Variants in CSGALNACT1 observed in about 807,000 individuals in gnomAD.
CSGALNACT1 encodes the protein chondroitin sulfate N-acetylgalactosaminyltransferase 1, also known as beta4GalNAcT-1.
CSGALNACT1 carries 52 observed loss-of-function variants against 51.0 expected under a neutral mutation model. The ratio of observed to expected loss-of-function variants is 1.02; its 90% CI spans 0.82 to 1.29. CSGALNACT1 has a LOEUF of 1.29. Among genes scored for constraint, CSGALNACT1 ranks in the 50% most tolerant of loss-of-function variants. CSGALNACT1 has a pLI of 0.00. For synonymous variants in CSGALNACT1, 341 were observed against 254.4 expected (o/e 1.34, Z -3.24); for missense variants, 935 against 679.2 (o/e 1.38, Z -4.19).
intron 3 of CSGALNACT1, among the ~76,000 whole-genome samples, chr8:19,588,718 G>T (rs537108016): frequency 1.2e-4 from 19 of 152,238 alleles, no homozygotes; most frequent in Admixed American, 5.9e-4. Flanking sequence ...TTTTTGCAAG[G>T]TTGGCACTGA....
intron 3 of CSGALNACT1, among the ~76,000 whole-genome samples, chr8:19,531,630 C>T (rs1277022389): frequency 6.6e-6 from 1 of 152,226 alleles, no homozygotes; most frequent in African/African-American, 2.4e-5. Flanking sequence ...CATAGAATCT[C>T]ATGACTTCAA....
At chr8:19,404,424 G>A (rs1249193584) in exon 10 of CSGALNACT1, 1 of 453,164 alleles carries the variant, frequency 2.2e-6, no homozygotes. Context: ...TATGTTAACT[G>A]TATTTATTTT....
chr8:19,458,387 A>G, intron 5 of CSGALNACT1, 39 bp downstream of exon 4: 2 of 1,486,498 alleles, frequency 1.3e-6, no homozygotes, highest in African/African-American at 1.4e-5. Flanking sequence ...TCTAACACAC[A>G]TCATGCGGAG....
intron 3 of CSGALNACT1, among the ~76,000 whole-genome samples, chr8:19,569,067 G>C (rs925938610): frequency 7.9e-5 from 12 of 152,156 alleles, no homozygotes; most frequent in African/African-American, 2.2e-4. Context: ...AAGATATGGG[G>C]CAATCAATTC....
chr8:19,565,757 A>G (rs2041787556), intron 3 of CSGALNACT1, among the ~76,000 whole-genome samples: 2 of 152,192 alleles, frequency 1.3e-5, no homozygotes, highest in Admixed American at 1.3e-4. Flanking sequence ...TGTCTCTACT[A>G]AAAATGCAAA....
intron 1 of CSGALNACT1, among the ~76,000 whole-genome samples, chr8:19,666,114 C>T (rs1180297270): frequency 6.6e-6 from 1 of 152,118 alleles, no homozygotes; most frequent in African/African-American, 2.4e-5. Flanking sequence ...AGATTTTTCC[C>T]TTTGTTCCTG....
chr8:19,628,881 A>G (rs745643741), intron 1 of CSGALNACT1, among the ~76,000 whole-genome samples: 2 of 152,172 alleles, frequency 1.3e-5, no homozygotes, highest in African/African-American at 4.8e-5. Context: ...AAAAGAACAC[A>G]AAAAGACAAA....
intron 3 of CSGALNACT1, among the ~76,000 whole-genome samples, chr8:19,586,405 T>C (rs1428061616): frequency 3.1e-4 from 39 of 126,908 alleles, no homozygotes; most frequent in Admixed American, 2.4e-3. Flanking sequence ...CGTAGTCTTA[T>C]AGAAAAAAAA....
intron 1 of CSGALNACT1, among the ~76,000 whole-genome samples, chr8:19,634,892 C>G (rs565636190): frequency 6.6e-6 from 1 of 152,262 alleles, no homozygotes; most frequent in African/African-American, 2.4e-5. Flanking sequence ...AGACAGCTGT[C>G]ATATTTAAGT....
chr8:19,473,310 A>G (rs1027427417), intron 4 of CSGALNACT1, among the ~76,000 whole-genome samples: 1 of 152,208 alleles, frequency 6.6e-6, no homozygotes, highest in African/African-American at 2.4e-5. Flanking sequence ...TGAAAATTTC[A>G]AATGATTAAC....
chr8:19,467,943 G>A (rs557084915), intron 4 of CSGALNACT1, among the ~76,000 whole-genome samples: 4 of 152,180 alleles, frequency 2.6e-5, no homozygotes, highest in South Asian at 4.1e-4. Flanking sequence ...CTGTGATTGC[G>A]CTGCTGCACT....
rs979773676 is a variant in CSGALNACT1, at chr8:19,428,851, G to A, written c.954-8333C>T. On this transcript the variant is annotated intron_variant, in intron 6 of 9. Transcript: ENST00000454498. ...TGTGTGTGTGTGTGTGTGTGTGTGT[G>A]TGTGTGTGTGTGTGTGTGTGTGTGT... Among the ~76,000 whole-genome samples the A allele has an allele frequency of 5.3e-5, 8 of 151,328 alleles. No homozygotes were observed. The East Asian group carries it at 5.8e-4, about 11-fold the overall frequency.
intron 3 of CSGALNACT1, among the ~76,000 whole-genome samples, chr8:19,523,324 G>T (rs1244715564): frequency 6.6e-6 from 1 of 152,184 alleles, no homozygotes; most frequent in Non-Finnish European, 1.5e-5. Flanking sequence ...AAGTGCAAGG[G>T]CGCGATCATG....
chr8:19,596,693 T>C (rs1300815629), intron 2 of CSGALNACT1, among the ~76,000 whole-genome samples: 1 of 151,878 alleles, frequency 6.6e-6, no homozygotes, highest in Non-Finnish European at 1.5e-5. Context: ...TAAAAAGTGA[T>C]TTAAAAATCT....
chr8:19,614,819 G>A (rs920725462), intron 1 of CSGALNACT1, among the ~76,000 whole-genome samples: 2 of 152,230 alleles, frequency 1.3e-5, no homozygotes, highest in Admixed American at 6.5e-5. Context: ...GAGCATTTCT[G>A]CTACACGGTG....
rs1563477680 is a variant in CSGALNACT1 at position 19,453,471 on chromosome 8, G to A, written c.851+4955C>T. On this transcript the variant is annotated intron_variant, in intron 5 of 9. Coordinates refer to ENST00000454498, the Ensembl canonical transcript of CSGALNACT1. ...AACAGAGATGCTAATAAATGGAGAA[G>A]ACCTGTAAAATATATAATTGTGTCC... 2.0e-5 allele frequency among the ~76,000 whole-genome samples: 3 copies of A among 152,226 alleles called. No homozygotes were observed. The South Asian group carries it at 6.2e-4, about 32-fold the overall frequency.
chr8:19,552,811 C>A (rs907731789), intron 3 of CSGALNACT1, among the ~76,000 whole-genome samples: 1 of 152,102 alleles, frequency 6.6e-6, no homozygotes. Context: ...CTTATAAGAA[C>A]AGAATGTAAA....
rs746098265 is a variant in CSGALNACT1, at chr8:19,651,940, G to T, written c.-544+30533C>A. Among the ~76,000 whole-genome samples, 1,250 of 139,288 alleles carry T rather than the reference G, an allele frequency of 9.0e-3. 7 individuals carry two copies. The highest frequency in any genetic ancestry group is 0.022 in the Middle Eastern group (6 of 278). 91.4% of individuals were successfully genotyped at this position (139,288 alleles called of 152,430 possible). On this transcript the variant is annotated intron_variant, in intron 1 of 9. Coordinates refer to the CSGALNACT1 transcript ENST00000332246. ...GTTTTTTTTTGTTTTGTTTTGTTTT[G>T]ACTTTTTTTAGACAGGCTCTCACTC...
chr8:19,727,312 G>A (rs2063454465), intron 1 of CSGALNACT1, among the ~76,000 whole-genome samples: 1 of 129,958 alleles, frequency 7.7e-6, no homozygotes, highest in South Asian at 2.9e-4. Flanking sequence ...ACAAAATTGT[G>A]TTTTGTTTTG....
Sources: gnomAD v4.1 joint callset for allele counts (sites outside exome capture counted in the v4.1 genomes callset) on GRCh38, gnomAD v4.1.1 for gene constraint, MANE v1.5 for transcripts, NCBI Gene and HGNC (gene_info 2026-07-23, HGNC 2026-07-21) for gene names.